The following ERG variants were observed in gnomAD, a reference collection of about 807,000 sequenced individuals.
The protein encoded by ERG is ETS transcription factor ERG.
A neutral mutation model predicts 55.3 loss-of-function variants in ERG; 9 were observed. The observed-to-expected ratio is 0.16, with a 90% CI of 0.10 to 0.28. ERG has a LOEUF of 0.28. ERG is among the 10% of genes least tolerant of loss of function. The pLI is 1.00. For missense variants in ERG, 434 were observed against 631.6 expected (o/e 0.69, Z 3.35); for synonymous variants, 223 against 237.3 (o/e 0.94, Z 0.55).
At chr21:38,626,066 C>T (rs977634194) in intron 1 of ERG, among the ~76,000 whole-genome samples, 3 of 151,896 alleles carry the variant, frequency 2.0e-5, no homozygotes, top group South Asian at 2.1e-4. Flanking sequence ...GGCCTACAGG[C>T]GCCTGCTACC....
At chr21:38,439,154 A>C (rs2058817866) in intron 2 of ERG, among the ~76,000 whole-genome samples, 1 of 152,182 alleles carries the variant, frequency 6.6e-6, no homozygotes, top group South Asian at 2.1e-4. Context: ...GCTTCACGAA[A>C]TCGCCATCGC....
At chr21:38,549,723 T>A (rs745919454) in intron 2 of ERG, among the ~76,000 whole-genome samples, 1 of 133,304 alleles carries the variant, frequency 7.5e-6, no homozygotes, top group African/African-American at 2.6e-5. Flanking sequence ...ATCTTCCTTG[T>A]CTAGGACACA....
intron 1 of ERG, chr21:38,660,731 G>T (rs894936846): frequency 6.6e-6 from 1 of 151,890 alleles, no homozygotes. Context: ...CAGGGCGGCC[G>T]CCCCGACGCG....
rs1028107759 is a variant in ERG at position 38,423,419 on chromosome 21, C to T, written c.379G>A (p.Val127Met). Residue 127 changes from valine to methionine, a missense_variant, in exon 3 of 10, where the codon GTG becomes ATG. By Grantham distance (21) the Val-to-Met change is conservative (BLOSUM62 1). Transcript: ENST00000288319. ...NMTTNERRVIVPADPTLWSTD... is the reference protein window; with the variant it reads ...NMTTNERRVIMPADPTLWSTD... ...GCTGTGGGCACCTGACCTGCTGGCA[C>T]GATAACTCTGCGCTCGTTCGTGGTC... is the stretch of plus-strand genomic sequence containing the variant. 3.7e-6 allele frequency: 6 copies of T among 1,613,096 alleles called. No homozygotes were observed. The highest frequency in any genetic ancestry group is 3.4e-6 in the Non-Finnish European group (4 of 1,179,358).
chr21:38,409,117 C>A (rs983048674), intron 3 of ERG, among the ~76,000 whole-genome samples: 3 of 152,052 alleles, frequency 2.0e-5, no homozygotes, highest in African/African-American at 4.8e-5. Flanking sequence ...TCCAAAGTGT[C>A]CAAGACCAAG....
chr21:38,653,711 C>T (rs1163936906), intron 1 of ERG, among the ~76,000 whole-genome samples: 1 of 152,214 alleles, frequency 6.6e-6, no homozygotes, highest in Non-Finnish European at 1.5e-5. Flanking sequence ...GCTTCTCCCA[C>T]TAAATTTGCA....
intron 1 of ERG, chr21:38,471,951 T>G (rs971924955): frequency 6.6e-6 from 1 of 152,284 alleles, no homozygotes; most frequent in African/African-American, 2.4e-5. Context: ...AAGATCTTTA[T>G]GAGATCACTG....
chr21:38,442,995 G>T (rs891403177), intron 2 of ERG, among the ~76,000 whole-genome samples: 1 of 152,100 alleles, frequency 6.6e-6, no homozygotes, highest in Admixed American at 6.5e-5. Context: ...TTTTAGTAGA[G>T]ACAGGGTTTC....
intron 2 of ERG, among the ~76,000 whole-genome samples, chr21:38,519,561 A>G (rs2059578298): frequency 6.6e-6 from 1 of 152,206 alleles, no homozygotes; most frequent in South Asian, 2.1e-4. Context: ...CATTTGCTTA[A>G]CCCAACAGAA....
intron 2 of ERG, among the ~76,000 whole-genome samples, chr21:38,525,364 C>T (rs1435999868): frequency 6.6e-6 from 1 of 152,180 alleles, no homozygotes; most frequent in Non-Finnish European, 1.5e-5. Flanking sequence ...CTCTTTCCTG[C>T]CTCTAACAGA....
chr21:38,640,413 G>T (rs1039395643), intron 1 of ERG, among the ~76,000 whole-genome samples: 1 of 152,146 alleles, frequency 6.6e-6, no homozygotes, highest in Non-Finnish European at 1.5e-5. Context: ...GTCTGATATG[G>T]TTTGCCTGTG....
At chr21:38,471,399 C>G (rs1349297033) in intron 1 of ERG, 2 of 152,160 alleles carry the variant, frequency 1.3e-5, no homozygotes, top group Non-Finnish European at 2.9e-5. Context: ...GGCTGTTCAC[C>G]TAAAATTCAA....
chr21:38,576,517 G>C (rs941733377), intron 1 of ERG, among the ~76,000 whole-genome samples: 1 of 152,156 alleles, frequency 6.6e-6, no homozygotes. Context: ...TAAATTTAAA[G>C]ATGCCTATAA....
In ERG at chr21:38,429,506, T is replaced by C. The variant is rs199832403; in HGVS notation, c.237-5945A>G. Among the ~76,000 whole-genome samples the C allele has an allele frequency of 6.1e-5, 5 of 81,644 alleles. 2 individuals are homozygous for C. The highest frequency in any genetic ancestry group is 2.1e-4 in the African/African-American group (5 of 24,230). The allele number at this position is 81,644 out of a possible 152,430, so 53.6% of individuals were successfully genotyped here. A position where few individuals can be genotyped will look rare whatever the true frequency, so the allele number is the denominator to read the frequency against. ...ATGTATGCACATGTACATATATACA[T>C]ATGTGTATATACATGTATGCACATG... On this transcript the variant is annotated intron_variant, in intron 2 of 9. Coordinates refer to ENST00000288319, the MANE Select transcript of ERG (RefSeq NM_182918.4).
intron 2 of ERG, among the ~76,000 whole-genome samples, chr21:38,443,098 C>T (rs1035760959): frequency 2.0e-5 from 3 of 152,212 alleles, no homozygotes; most frequent in African/African-American, 4.8e-5. Flanking sequence ...TGAGCCACTG[C>T]GCCCGGCCAG....
chr21:38,398,744 T>C (rs992807675), intron 6 of ERG, among the ~76,000 whole-genome samples: 20 of 152,134 alleles, frequency 1.3e-4, no homozygotes, highest in Non-Finnish European at 2.1e-4. Context: ...GGACCCACTG[T>C]CTTAACCAGG....
chr21:38,572,172 C>T (rs796220347), intron 2 of ERG, among the ~76,000 whole-genome samples: 8 of 143,520 alleles, frequency 5.6e-5, no homozygotes, highest in Admixed American at 1.4e-4. Context: ...CTGGCTAACA[C>T]GGTGAAACCC....
downstream of ERG, among the ~76,000 whole-genome samples, chr21:38,377,155 T>C (rs1987264956): frequency 6.6e-6 from 1 of 152,258 alleles, no homozygotes; most frequent in African/African-American, 2.4e-5. Context: ...TAAAACTATC[T>C]CAAAGCGGTA....
chr21:38,509,212 G>A (rs147599090), intron 2 of ERG, among the ~76,000 whole-genome samples: 240 of 152,248 alleles, frequency 1.6e-3, no homozygotes, highest in African/African-American at 5.3e-3. Flanking sequence ...TATAGCAACC[G>A]GGCATCGGCA....
Sources: gnomAD v4.1 joint callset for allele counts (sites outside exome capture counted in the v4.1 genomes callset) on GRCh38, gnomAD v4.1.1 for gene constraint, MANE v1.5 for transcripts, NCBI Gene and HGNC (gene_info 2026-07-23, HGNC 2026-07-21) for gene names.